The following SLC38A6 variants were observed in gnomAD, a reference collection of about 807,000 sequenced individuals.
The protein encoded by SLC38A6 is solute carrier family 38 member 6, also known as N system amino acid transporter NAT-1.
A neutral mutation model predicts 65.0 loss-of-function variants in SLC38A6; 73 were observed. That is an observed-to-expected ratio of 1.12 (90% CI 0.93 to 1.37). The LOEUF is 1.37. Ranked by LOEUF, SLC38A6 falls within the 40% of genes most tolerant of loss-of-function variation. SLC38A6 has a pLI of 0.00. For synonymous variants in SLC38A6, 183 were observed against 178.8 expected, an observed-to-expected ratio of 1.02 and a Z score of -0.19; for missense variants, 561 against 531.1, an observed-to-expected ratio of 1.06 and a Z score of -0.55.
At chr14:61,050,371 G>T (rs1010481284) in intron 12 of SLC38A6, 141 bp from the exon 13 acceptor site, 7 of 461,182 alleles carry the variant, frequency 1.5e-5, no homozygotes, top group Non-Finnish European at 2.5e-5. Context: ...ATGTCTCTGT[G>T]TTTCATAGGC....
At chr14:61,004,904 A>G (rs985084362) in intron 3 of SLC38A6, among the ~76,000 whole-genome samples, 5 of 152,178 alleles carry the variant, frequency 3.3e-5, no homozygotes, top group African/African-American at 9.7e-5. Context: ...TTTTAGACCA[A>G]TATCCTTGAT....
chr14:61,071,846 A>G (rs1301127105), intron 15 of SLC38A6, among the ~76,000 whole-genome samples: 1 of 152,202 alleles, frequency 6.6e-6, no homozygotes, highest in Non-Finnish European at 1.5e-5. Context: ...ATGACATTAC[A>G]TATTAGCATC....
chr14:61,076,867 C>G (rs1053076209), intron 15 of SLC38A6, among the ~76,000 whole-genome samples: 2 of 152,138 alleles, frequency 1.3e-5, no homozygotes, highest in Non-Finnish European at 2.9e-5. Context: ...GGGATGTGTT[C>G]CAGTAGTTGT....
chr14:61,000,877 C>T (rs908914286), intron 3 of SLC38A6, among the ~76,000 whole-genome samples: 2 of 152,160 alleles, frequency 1.3e-5, no homozygotes, highest in African/African-American at 4.8e-5. Flanking sequence ...GACTGAAAGG[C>T]AATAGATATG....
At chr14:60,992,645 TATA>T (rs1033380457) in intron 3 of SLC38A6, among the ~76,000 whole-genome samples, 1 of 152,140 alleles carries the variant, frequency 6.6e-6, no homozygotes, top group Non-Finnish European at 1.5e-5. Context: ...AGGTGGGAAA[TATA>T]ATAATGTTGC....
At chr14:61,006,278 C>T (rs933060894) in intron 3 of SLC38A6, among the ~76,000 whole-genome samples, 2 of 152,174 alleles carry the variant, frequency 1.3e-5, no homozygotes, top group African/African-American at 4.8e-5. Flanking sequence ...GCAAGGACTT[C>T]GTGTCTAAAA....
intron 16 of SLC38A6, among the ~76,000 whole-genome samples, chr14:61,082,033 G>A (rs1395066532): frequency 6.6e-6 from 1 of 152,152 alleles, no homozygotes; most frequent in African/African-American, 2.4e-5. Context: ...TTTATGTGTA[G>A]TCCCAGGTGC....
At chr14:61,012,460 C>G (rs1210906091) in intron 3 of SLC38A6, among the ~76,000 whole-genome samples, 1 of 152,068 alleles carries the variant, frequency 6.6e-6, no homozygotes, top group Admixed American at 6.6e-5. Flanking sequence ...TTCTCTAGTT[C>G]TTTTATTGTG....
intron 3 of SLC38A6, among the ~76,000 whole-genome samples, chr14:61,011,921 T>A (rs2039601543): frequency 6.6e-6 from 1 of 152,214 alleles, no homozygotes; most frequent in Non-Finnish European, 1.5e-5. Context: ...GAGGATTCCC[T>A]CTTTTTCTAT....
In SLC38A6 at chr14:60,981,313, G is replaced by T; in HGVS notation, c.36G>T (p.Arg12=). ...EASWGSFNAE[R]GWYVSVQQPE... ...CCTGGGGGAGCTTCAACGCTGAGCGGGGCTGGTATGTCTCTGTCCAGCAGC... is the reference window on the plus strand; with the variant it reads ...CCTGGGGGAGCTTCAACGCTGAGCGTGGCTGGTATGTCTCTGTCCAGCAGC... Residue 12 remains arginine, a synonymous_variant, in exon 1 of 16, where the codon CGG becomes CGT. Transcript: ENST00000267488. 6.2e-7 allele frequency: 1 copy of T among 1,610,578 alleles called. No homozygotes were observed. The highest frequency in any genetic ancestry group is 8.5e-7 in the Non-Finnish European group (1 of 1,178,680).
At chr14:61,012,426 G>C (rs1427160109) in intron 3 of SLC38A6, among the ~76,000 whole-genome samples, 2 of 152,000 alleles carry the variant, frequency 1.3e-5, no homozygotes, top group Non-Finnish European at 1.5e-5. Flanking sequence ...CCTTCTGCTA[G>C]CTTTTGAATG....
intron 3 of SLC38A6, among the ~76,000 whole-genome samples, chr14:60,999,711 A>T (rs2038568642): frequency 6.6e-6 from 1 of 152,258 alleles, no homozygotes; most frequent in Non-Finnish European, 1.5e-5. Context: ...TGGAGGGAAT[A>T]TCATAGAGGA....
chr14:61,039,660 C>T (rs971973710), intron 8 of SLC38A6, among the ~76,000 whole-genome samples: 1 of 151,732 alleles, frequency 6.6e-6, no homozygotes, highest in African/African-American at 2.4e-5. Context: ...CGTGAGCCAC[C>T]GTGCCCAGCC....
intron 15 of SLC38A6, chr14:61,074,090 G>A (rs1446773807): frequency 6.6e-6 from 1 of 152,128 alleles, no homozygotes; most frequent in Non-Finnish European, 1.5e-5. Flanking sequence ...GTCAACAGTA[G>A]GCTATTAGCA....
intron 3 of SLC38A6, among the ~76,000 whole-genome samples, chr14:60,990,231 A>G (rs1255699685): frequency 1.3e-5 from 2 of 152,170 alleles, no homozygotes; most frequent in Non-Finnish European, 1.5e-5. Flanking sequence ...GGGTTTTGCC[A>G]TGTTGGCCAG....
At chr14:61,070,847 T>C (rs1035220597) in intron 15 of SLC38A6, among the ~76,000 whole-genome samples, 1 of 152,230 alleles carries the variant, frequency 6.6e-6, no homozygotes, top group Non-Finnish European at 1.5e-5. Flanking sequence ...GTCGTTTGTA[T>C]GTCTTTGGGG....
At chr14:61,053,881 T>C (rs1278693646), downstream of SLC38A6, among the ~76,000 whole-genome samples, 1 of 152,154 alleles carries the variant, frequency 6.6e-6, no homozygotes, top group Admixed American at 6.5e-5. Context: ...TTTAATTAGA[T>C]CTCATTTGTC....
intron 5 of SLC38A6, among the ~76,000 whole-genome samples, chr14:61,021,074 A>G (rs2040320873): frequency 6.6e-6 from 1 of 152,104 alleles, no homozygotes; most frequent in Non-Finnish European, 1.5e-5. Flanking sequence ...CTTGGCTGCT[A>G]CTAGATTTAA....
At chr14:61,078,744 ATTAT>A (rs1039839928) in intron 15 of SLC38A6, 3 of 160,212 alleles carry the variant, frequency 1.9e-5, no homozygotes, top group African/African-American at 7.6e-5. Context: ...TTTTTTTTTA[ATTAT>A]TTAATTTATT....
Sources: gnomAD v4.1 joint callset for allele counts (sites outside exome capture counted in the v4.1 genomes callset) on GRCh38, gnomAD v4.1.1 for gene constraint, MANE v1.5 for transcripts, NCBI Gene and HGNC (gene_info 2026-07-23, HGNC 2026-07-21) for gene names.